ADAMTS20: variants seen among roughly 807,000 people sequenced by gnomAD.
ADAMTS20 encodes A disintegrin and metalloproteinase with thrombospondin motifs 20.
A neutral mutation model predicts 260.1 loss-of-function variants in ADAMTS20; 225 were observed. The ratio of observed to expected loss-of-function variants is 0.87; its 90% CI spans 0.78 to 0.97. ADAMTS20 has a LOEUF of 0.97. Ranked by LOEUF, ADAMTS20 falls within the 50% of genes least tolerant of loss-of-function variation. The probability of loss-of-function intolerance (pLI) is 0.00; values close to 1 mark genes in which losing one functional copy is unlikely to be tolerated. For synonymous variants in ADAMTS20, 802 were observed against 769.5 expected, an observed-to-expected ratio of 1.04 and a Z score of -0.70; for missense variants, 2,400 against 2,337.7, an observed-to-expected ratio of 1.03 and a Z score of -0.55.
chr12:43,453,414 G>T (rs2137354546), intron 12 of ADAMTS20, among the ~76,000 whole-genome samples: 1 of 152,214 alleles, frequency 6.6e-6, no homozygotes, highest in East Asian at 1.9e-4. Context: ...ATGAGGGGGA[G>T]ATATGCTTTA....
intron 3 of ADAMTS20, among the ~76,000 whole-genome samples, chr12:43,521,252 G>A (rs1943067967): frequency 6.6e-6 from 1 of 152,312 alleles, no homozygotes; most frequent in Middle Eastern, 3.4e-3. Flanking sequence ...GCCAGAACTC[G>A]CTTACTGAGC....
intron 7 of ADAMTS20, among the ~76,000 whole-genome samples, chr12:43,487,923 C>T (rs973123002): frequency 5.9e-5 from 9 of 151,728 alleles, no homozygotes; most frequent in Non-Finnish European, 8.8e-5. Flanking sequence ...AAGTGCATAC[C>T]GAAATTTTAT....
chr12:43,398,031 A>G (rs905059798), intron 29 of ADAMTS20, among the ~76,000 whole-genome samples: 13 of 152,176 alleles, frequency 8.5e-5, no homozygotes, highest in Non-Finnish European at 1.8e-4. Flanking sequence ...TAGCTCCCCA[A>G]TAGACATAAC....
chr12:43,410,048 T>A (rs559895251), intron 28 of ADAMTS20, among the ~76,000 whole-genome samples: 13 of 152,330 alleles, frequency 8.5e-5, no homozygotes, highest in African/African-American at 2.9e-4. Context: ...TATTCCAATA[T>A]AAGGATTGAC....
intron 14 of ADAMTS20, among the ~76,000 whole-genome samples, chr12:43,448,394 G>C (rs1941801318): frequency 1.3e-5 from 2 of 152,120 alleles, no homozygotes; most frequent in Admixed American, 6.5e-5. Flanking sequence ...ATGGAAAAAG[G>C]ACTCCCTATT....
intron 7 of ADAMTS20, among the ~76,000 whole-genome samples, chr12:43,472,074 G>C (rs1036257573): frequency 2.6e-5 from 4 of 151,792 alleles, no homozygotes; most frequent in African/African-American, 9.7e-5. Context: ...AGGCAGAGAA[G>C]TTGAAAACTT....
intron 2 of ADAMTS20, among the ~76,000 whole-genome samples, chr12:43,543,726 C>A (rs552294802): frequency 6.6e-6 from 1 of 152,234 alleles, no homozygotes; most frequent in African/African-American, 2.4e-5. Flanking sequence ...TTGGTGATCA[C>A]CAATATGGGT....
intron 28 of ADAMTS20, among the ~76,000 whole-genome samples, chr12:43,406,320 T>C (rs1224013657): frequency 6.6e-6 from 1 of 152,140 alleles, no homozygotes; most frequent in Non-Finnish European, 1.5e-5. Context: ...TTTATCTCTT[T>C]TCAAAATTAA....
intron 19 of ADAMTS20, 33 bp downstream of exon 19, chr12:43,434,212 A>C: frequency 1.3e-6 from 2 of 1,537,880 alleles, no homozygotes; most frequent in Admixed American, 2.0e-5. Context: ...TCACTTATTA[A>C]TCTGGTTATA....
chr12:43,399,591 G>A (rs559282962), intron 28 of ADAMTS20, among the ~76,000 whole-genome samples: 24 of 152,154 alleles, frequency 1.6e-4, no homozygotes, highest in Admixed American at 1.2e-3. Context: ...ATTCAATCTT[G>A]TAGCATCAAT....
intron 11 of ADAMTS20, 65 bp from the exon 12 acceptor site, chr12:43,454,117 T>C (rs1248079145): frequency 1.3e-6 from 2 of 1,544,202 alleles, no homozygotes. Context: ...ACAAAAATTA[T>C]AATAGCAGCA....
intron 11 of ADAMTS20, among the ~76,000 whole-genome samples, chr12:43,461,024 C>T (rs140161363): frequency 0.013 from 1,208 of 92,824 alleles, 23 homozygotes; most frequent in African/African-American, 0.046. Flanking sequence ...GACGAAGTCT[C>T]ACTCTTGTCC....
At chr12:43,550,091 A>G (rs1467915868) in intron 2 of ADAMTS20, among the ~76,000 whole-genome samples, 1 of 152,174 alleles carries the variant, frequency 6.6e-6, no homozygotes, top group Non-Finnish European at 1.5e-5. Flanking sequence ...GTGAGCCTAT[A>G]TATGTTTTAA....
In ADAMTS20 at chr12:43,426,548, C is replaced by T. The variant is rs942700905; in HGVS notation, c.4107+760G>A. Among the ~76,000 whole-genome samples the T allele has an allele frequency of 5.3e-5, 8 of 152,106 alleles. No homozygotes were observed. In the South Asian group the frequency reaches 8.3e-4, roughly 16 times the overall value. ...TCTTATTTATTACCATTCCACATTACGAAGGAGGTTAGTATTAAAAGTGAC... is the reference window on the plus strand; with the variant it reads ...TCTTATTTATTACCATTCCACATTATGAAGGAGGTTAGTATTAAAAGTGAC... On this transcript the variant is annotated intron_variant, in intron 27 of 38. Transcript: ENST00000389420.
At position 43,404,083 on chromosome 12, in the gene ADAMTS20, A is replaced by G. The variant is rs1253112513; in HGVS notation, c.4285-4850T>C. 2.0e-5 allele frequency among the ~76,000 whole-genome samples: 3 copies of G among 151,790 alleles called. No homozygotes were observed. In the East Asian group the frequency reaches 5.8e-4, roughly 29 times the overall value. On this transcript the variant is annotated intron_variant, in intron 28 of 38. Coordinates refer to ENST00000389420, the MANE Select transcript of ADAMTS20 (RefSeq NM_025003.5). Reference sequence around the variant, plus strand: ...AGGGTTCTTACAGAATTTTTTTAGCATCCTTTGCTATACTCAGTACACCTG... The same window carrying G: ...AGGGTTCTTACAGAATTTTTTTAGCGTCCTTTGCTATACTCAGTACACCTG...
intron 37 of ADAMTS20, among the ~76,000 whole-genome samples, chr12:43,364,160 G>C (rs928533090): frequency 6.6e-6 from 1 of 152,018 alleles, no homozygotes; most frequent in Non-Finnish European, 1.5e-5. Flanking sequence ...AAGGGAAATA[G>C]AATTCACTGA....
chr12:43,542,222 A>G (rs1040430448), intron 2 of ADAMTS20, among the ~76,000 whole-genome samples: 29 of 152,352 alleles, frequency 1.9e-4, no homozygotes, highest in African/African-American at 6.7e-4. Flanking sequence ...ATATCCGTGA[A>G]AATATGAAAT....
At chr12:43,394,136 C>T (rs557391455) in intron 29 of ADAMTS20, among the ~76,000 whole-genome samples, 3 of 152,002 alleles carry the variant, frequency 2.0e-5, no homozygotes, top group Non-Finnish European at 4.4e-5. Flanking sequence ...CAATCCAGCA[C>T]CCTAATGTTG....
At position 43,512,318 on chromosome 12, in the gene ADAMTS20, T is replaced by C. The variant is rs1464644710; in HGVS notation, c.614-9913A>G. On this transcript the variant is annotated intron_variant, in intron 3 of 38. Transcript: ENST00000389420. ...AATAAAATAAAATACCCTCATTTTA[T>C]ATATGAGGATAATAATTTTATATTT... 4.0e-5 allele frequency among the ~76,000 whole-genome samples: 6 copies of C among 149,704 alleles called. No homozygotes were observed. The East Asian group carries it at 1.2e-3, about 29-fold the overall frequency.
Sources: allele counts gnomAD v4.1 joint callset (sites outside exome capture counted in the v4.1 genomes callset), GRCh38; gene constraint gnomAD v4.1.1; transcripts MANE v1.5; gene names NCBI Gene and HGNC (gene_info 2026-07-23, HGNC 2026-07-21).